The following HNRNPUL1 variants were observed in gnomAD, a reference collection of about 807,000 sequenced individuals.
HNRNPUL1 encodes heterogeneous nuclear ribonucleoprotein U-like protein 1.
In HNRNPUL1, 14 loss-of-function variants were observed where a neutral mutation model predicts 108.5. That is an observed-to-expected ratio of 0.13 (90% CI 0.09 to 0.20). The LOEUF (loss-of-function observed/expected upper bound fraction) is 0.20. HNRNPUL1 is among the 10% of genes least tolerant of loss of function. The pLI is 1.00. For synonymous variants in HNRNPUL1, 422 were observed against 445.2 expected, an observed-to-expected ratio of 0.95 and a Z score of 0.66; for missense variants, 804 against 1,168.3, an observed-to-expected ratio of 0.69 and a Z score of 4.55.
At chr19:41,278,743 C>T (rs1252442751) in intron 5 of HNRNPUL1, among the ~76,000 whole-genome samples, 1 of 152,176 alleles carries the variant, frequency 6.6e-6, no homozygotes, top group East Asian at 1.9e-4. Context: ...GTCACCATCC[C>T]CAGCCATTTA....
intron 7 of HNRNPUL1, 34 bp downstream of exon 7, chr19:41,281,309 C>G (rs1234951813): frequency 2.1e-6 from 3 of 1,438,828 alleles, no homozygotes; most frequent in Admixed American, 1.7e-5. Context: ...GTTGGCAGAA[C>G]CAGATGTTGG....
chr19:41,304,392 C>T (rs1013538499), intron 13 of HNRNPUL1, 131 bp downstream of exon 13: 2 of 1,447,460 alleles, frequency 1.4e-6, no homozygotes, highest in Non-Finnish European at 1.8e-6. Flanking sequence ...AACCTCTAGC[C>T]TGCCCTTCTT....
At chr19:41,276,489 C>A in intron 5 of HNRNPUL1, 191 bp downstream of exon 5, 1 of 550,170 alleles carries the variant, frequency 1.8e-6, no homozygotes, top group Non-Finnish European at 3.0e-6. Context: ...AAAAGCAGGC[C>A]AACCATGCAT....
At chr19:41,306,369 T>G (rs1184564509) in intron 14 of HNRNPUL1, 80 bp from the exon 15 acceptor site, 8 of 882,720 alleles carry the variant, frequency 9.1e-6, no homozygotes, top group Non-Finnish European at 1.2e-5. Flanking sequence ...GTCTCTGCCC[T>G]AGGTGAGGGT....
chr19:41,306,243 A>G (rs2037539105), intron 14 of HNRNPUL1, among the ~76,000 whole-genome samples: 1 of 152,216 alleles, frequency 6.6e-6, no homozygotes, highest in Admixed American at 6.5e-5. Context: ...CACTGGGTTG[A>G]CAAGCTGAGA....
intron 4 of HNRNPUL1, among the ~76,000 whole-genome samples, chr19:41,274,354 C>T (rs2035420567): frequency 6.6e-6 from 1 of 152,168 alleles, no homozygotes; most frequent in Admixed American, 6.5e-5. Flanking sequence ...GATATAGGAG[C>T]AATCTGGAAA....
At chr19:41,271,998 ATC>A in intron 2 of HNRNPUL1, 82 bp from the exon 3 acceptor site, 9 of 1,480,936 alleles carry the variant, frequency 6.1e-6, no homozygotes, top group South Asian at 1.2e-5. Flanking sequence ...TCCTGCTCAC[ATC>A]TCTCAAGGGA....
chr19:41,286,604 T>C (rs1264640836), intron 7 of HNRNPUL1: 1 of 152,026 alleles, frequency 6.6e-6, no homozygotes, highest in Non-Finnish European at 1.5e-5. Context: ...GGACAGCCGA[T>C]TGGCATAGTG....
chr19:41,277,168 C>G (rs1226797451), intron 5 of HNRNPUL1, among the ~76,000 whole-genome samples: 2 of 152,010 alleles, frequency 1.3e-5, no homozygotes, highest in African/African-American at 2.4e-5. Flanking sequence ...CAGTTCCCAT[C>G]CTACCATCCT....
rs755085167 is a variant in HNRNPUL1, at chr19:41,304,011, G to A, written c.2012G>A (p.Arg671His). 6.2e-7 allele frequency: 1 copy of A among 1,613,954 alleles called. No individual in the cohort carries two copies. The highest frequency in any genetic ancestry group is 8.5e-7 in the Non-Finnish European group (1 of 1,179,936). The change falls in exon 13 of 15, where the codon CGC becomes CAC. Residue 671 changes from arginine to histidine, a missense_variant. By Grantham distance (29) the Arg-to-His change is conservative (BLOSUM62 0). Around this residue, in one of 4 missense-constraint regions of HNRNPUL1, gnomAD observed 294 missense variants for 388.3 expected, o/e 0.76. Coordinates refer to ENST00000392006, the MANE Select transcript of HNRNPUL1 (RefSeq NM_007040.6). Reference protein sequence around the residue: ...RSGGGGYSQNRWGNNNRDNNN... With the variant: ...RSGGGGYSQNHWGNNNRDNNN... ...GGAGGTGGTGGCTATAGCCAGAACCGCTGGGGTAACAACAACCGGGATAAC... is the reference window on the plus strand; with the variant it reads ...GGAGGTGGTGGCTATAGCCAGAACCACTGGGGTAACAACAACCGGGATAAC...
In HNRNPUL1 at chr19:41,292,563, GACAC is replaced by G. The variant is rs57173622; in HGVS notation, c.1266+72_1266+75del. The G allele has an allele frequency of 0.16, 232,433 of 1,486,304 alleles. 10,642 individuals carry two copies. The highest frequency in any genetic ancestry group is 0.27 in the African/African-American group (19,032 of 71,530). 92.1% of individuals were successfully genotyped at this position (1,486,304 alleles called of 1,614,324 possible). On this transcript the variant is annotated intron_variant, in intron 8 of 14. Transcript: ENST00000392006. This position sits in a 1 kb window ranked among gnomAD's most constrained non-coding sequence, Gnocchi z 4.1. ...GCCACCTTGCTGCCAAGACAGAGGA[GACAC>G]ACACACACACACACACACAGACTTG...
chr19:41,303,143 T>C (rs1038954277), intron 12 of HNRNPUL1, among the ~76,000 whole-genome samples, 194 bp downstream of exon 12: 14 of 152,220 alleles, frequency 9.2e-5, no homozygotes, highest in Admixed American at 1.3e-4. Flanking sequence ...ACGCTGGTTA[T>C]GAAGCCCTTT....
chr19:41,293,229 A>T (rs2036693731), intron 8 of HNRNPUL1, among the ~76,000 whole-genome samples: 1 of 152,240 alleles, frequency 6.6e-6, no homozygotes, highest in Non-Finnish European at 1.5e-5. Context: ...TTAAATTTTC[A>T]TAATGCCATC....
At chr19:41,269,164 A>G (rs1292016768) in intron 2 of HNRNPUL1, among the ~76,000 whole-genome samples, 1 of 151,266 alleles carries the variant, frequency 6.6e-6, no homozygotes, top group Non-Finnish European at 1.5e-5. Context: ...AAAAAAAAAG[A>G]AAGTGTGTGT....
At position 41,286,707 on chromosome 19, in the gene HNRNPUL1, C is replaced by CTTTTTT. The variant is rs60441728; in HGVS notation, c.999+5454_999+5459dup. 4.0e-5 allele frequency: 3 copies of CTTTTTT among 74,172 alleles called. 1 individual carries two copies. The highest frequency in any genetic ancestry group is 1.9e-4 in the African/African-American group (3 of 15,570). The allele number at this position is 74,172 out of a possible 1,614,324, so 4.6% of individuals were successfully genotyped here. On this transcript the variant is annotated intron_variant, in intron 7 of 14. Transcript: ENST00000392006. ...CACTGTGCCAGGCTCGGTGTGTACT[C>CTTTTTT]TTTTTTTTTTTTTTTTTTTTTTTTT...
intron 2 of HNRNPUL1, among the ~76,000 whole-genome samples, chr19:41,270,401 C>A (rs1476908390): frequency 6.6e-6 from 1 of 151,698 alleles, no homozygotes; most frequent in African/African-American, 2.4e-5. Flanking sequence ...CCTCTGTCTC[C>A]AAAAAAATTT....
At chr19:41,303,334 T>TG (rs1181505949) in intron 12 of HNRNPUL1, among the ~76,000 whole-genome samples, 1 of 150,872 alleles carries the variant, frequency 6.6e-6, no homozygotes, top group African/African-American at 2.4e-5. Flanking sequence ...CTGTCACCAG[T>TG]GCTTAGCTTC....
intron 11 of HNRNPUL1, 106 bp from the exon 12 acceptor site, chr19:41,302,559 C>T: frequency 7.2e-7 from 1 of 1,396,896 alleles, no homozygotes; most frequent in South Asian, 1.2e-5. Context: ...CAGTTTTCTT[C>T]ACCTTCTCCC....
Position 41,294,276 on chromosome 19 carries a change from C to T in HNRNPUL1, c.1267-62C>T, listed in dbSNP as rs560280359. On this transcript the variant is annotated intron_variant, in intron 8 of 14. Transcript: ENST00000392006. This position sits in a 1 kb window ranked among gnomAD's most constrained non-coding sequence, Gnocchi z 4.3. ...AGGTCCAGAGTCACACTCACAGTCA[C>T]CACCGAGCCAAGTGGTGCCATACCA... 1 of 1,594,846 alleles carries T rather than the reference C, an allele frequency of 6.3e-7. No homozygotes were observed. The highest frequency in any genetic ancestry group is 1.3e-5 in the African/African-American group (1 of 74,788).
Sources: allele counts gnomAD v4.1 joint callset (sites outside exome capture counted in the v4.1 genomes callset), GRCh38; gene constraint gnomAD v4.1.1; regional missense constraint gnomAD v4.1.1; non-coding constraint Gnocchi (gnomAD v3.1); transcripts MANE v1.5; gene names NCBI Gene and HGNC (gene_info 2026-07-23, HGNC 2026-07-21).